The following PCDHGA4 variants were observed in gnomAD, a reference collection of about 807,000 sequenced individuals.
PCDHGA4 encodes protocadherin gamma subfamily A, 4.
A neutral mutation model predicts 54.6 loss-of-function variants in PCDHGA4; 38 were observed. The observed-to-expected ratio is 0.70, with a 90% CI of 0.54 to 0.91. PCDHGA4 has a LOEUF of 0.91. Among genes scored for constraint, PCDHGA4 ranks in the 40% least tolerant of loss-of-function variants. The pLI, the probability that PCDHGA4 is intolerant of heterozygous loss-of-function variation, is 0.00. For synonymous variants in PCDHGA4, 511 were observed against 512.9 expected (o/e 1.00, Z 0.05); for missense variants, 1,298 against 1,220.9 (o/e 1.06, Z -0.94).
intron 1 of PCDHGA4, among the ~76,000 whole-genome samples, chr5:141,442,888 GCTTATCA>G (rs776180931): frequency 8.5e-5 from 13 of 152,204 alleles, no homozygotes; most frequent in Non-Finnish European, 1.8e-4. Flanking sequence ...CAGAATCCCT[GCTTATCA>G]CTTCTCCTTC....
In PCDHGA4 at chr5:141,431,514, C is replaced by T. The variant is rs760416874; in HGVS notation, c.2515-63293C>T. ...CAGCCCGAGTACCGCGCGAGCGTTC[C>T]GGAGAATCTGGCCTTGGGCACGCAG... On this transcript the variant is annotated intron_variant, in intron 1 of 3. Transcript: ENST00000571252. This position sits in a 1 kb window ranked among gnomAD's most constrained non-coding sequence, Gnocchi z 4.8. 3.1e-6 allele frequency: 5 copies of T among 1,614,012 alleles called. No homozygotes were observed. The highest frequency in any genetic ancestry group is 1.1e-5 in the South Asian group (1 of 91,082).
intron 1 of PCDHGA4, among the ~76,000 whole-genome samples, chr5:141,494,382 G>C (rs1311387598): frequency 6.6e-6 from 1 of 152,182 alleles, no homozygotes; most frequent in Non-Finnish European, 1.5e-5. Flanking sequence ...CCCAGCTGAG[G>C]AGTTGAATAA....
intron 1 of PCDHGA4, among the ~76,000 whole-genome samples, chr5:141,464,444 T>C (rs2099084887): frequency 6.6e-6 from 1 of 151,634 alleles, no homozygotes; most frequent in East Asian, 1.9e-4. Context: ...TGTTTGTTGT[T>C]GTTGTTGTTA....
chr5:141,495,323 G>C (rs1029646773), intron 2 of PCDHGA4, among the ~76,000 whole-genome samples: 2 of 152,214 alleles, frequency 1.3e-5, no homozygotes, highest in African/African-American at 4.8e-5. Context: ...AGCCGAGGCT[G>C]ACTGCAGCCT....
intron 1 of PCDHGA4, among the ~76,000 whole-genome samples, chr5:141,401,758 G>A (rs573644467): frequency 6.6e-6 from 1 of 152,234 alleles, no homozygotes; most frequent in East Asian, 1.9e-4. Flanking sequence ...CCCATTACAT[G>A]GTATAAGTCT....
rs1231591874 is a variant in PCDHGA4 at position 141,431,615 on chromosome 5, G to T, written c.2515-63192G>T. The T allele has an allele frequency of 3.1e-6, 5 of 1,614,118 alleles. No homozygotes were observed. Among genetic ancestry groups the T allele is most frequent in the African/African-American group, 2.7e-5 (2 of 74,950 alleles). On this transcript the variant is annotated intron_variant, in intron 1 of 3. Transcript: ENST00000571252. The surrounding 1 kb of genome is among the most constrained non-coding windows in gnomAD (Gnocchi z 4.8). Reference sequence around the variant, plus strand: ...GAGGTATTCCTTCCGGTATGTGGACGACAAGGCGGCCCAAGTTTTCAAACT... The same window carrying T: ...GAGGTATTCCTTCCGGTATGTGGACTACAAGGCGGCCCAAGTTTTCAAACT...
At chr5:141,452,527 G>A (rs1164238830) in intron 1 of PCDHGA4, among the ~76,000 whole-genome samples, 1 of 152,156 alleles carries the variant, frequency 6.6e-6, no homozygotes, top group Non-Finnish European at 1.5e-5. Flanking sequence ...TCAAAATCGT[G>A]AGTTCATATT....
rs543209695 is a variant in PCDHGA4, at chr5:141,431,563, C to A, written c.2515-63244C>A. The stretch of plus-strand genomic sequence containing the variant: ...AGCTGCTTGTAGTCAACGCTACCGA[C>A]CCTGACGAAGGAGTCAATGCGGAAG... On this transcript the variant is annotated intron_variant, in intron 1 of 3. Coordinates refer to ENST00000571252, the MANE Select transcript of PCDHGA4 (RefSeq NM_018917.4). The surrounding 1 kb of genome is among the most constrained non-coding windows in gnomAD (Gnocchi z 4.8). 1.2e-6 allele frequency: 2 copies of A among 1,614,144 alleles called. No individual in the cohort carries two copies. The highest frequency in any genetic ancestry group is 2.7e-5 in the African/African-American group (2 of 75,072).
At chr5:141,377,317 T>C (rs1355098405) in intron 1 of PCDHGA4, 3 of 152,140 alleles carry the variant, frequency 2.0e-5, no homozygotes, top group African/African-American at 7.2e-5. Context: ...GATCAAGATC[T>C]TGGTTTTAGC....
chr5:141,386,056 A>C (rs2090445356), intron 1 of PCDHGA4: 1 of 152,214 alleles, frequency 6.6e-6, no homozygotes, highest in South Asian at 2.1e-4. Flanking sequence ...TTTAACAGAG[A>C]ATTCCAGTAT....
intron 1 of PCDHGA4, chr5:141,370,168 C>T (rs890245618): frequency 2.2e-6 from 1 of 458,196 alleles, no homozygotes; most frequent in East Asian, 3.2e-5. Flanking sequence ...GCAGCAGAGG[C>T]GCCGGGTGCC....
chr5:141,423,374 G>T (rs1356564295), intron 1 of PCDHGA4: 2 of 1,614,188 alleles, frequency 1.2e-6, no homozygotes, highest in Admixed American at 1.7e-5. Context: ...CTGGCACTCA[G>T]GCTGTGGCGC....
chr5:141,390,275 C>G, intron 1 of PCDHGA4: 1 of 1,613,976 alleles, frequency 6.2e-7, no homozygotes, highest in Non-Finnish European at 8.5e-7. Context: ...AATTGACTTC[C>G]CATCAGGTGA....
intron 1 of PCDHGA4, chr5:141,373,873 G>C: frequency 2.1e-6 from 1 of 480,742 alleles, no homozygotes; most frequent in Admixed American, 3.9e-5. Context: ...ACCTGGGCAA[G>C]AAAATCAACG....
At chr5:141,372,314 G>T (rs369724462) in intron 1 of PCDHGA4, 1 of 1,613,578 alleles carries the variant, frequency 6.2e-7, no homozygotes, top group East Asian at 2.2e-5. Context: ...CCGCCCGCCA[G>T]CGCCTGCTGG....
At chr5:141,444,183 T>G (rs2098423667) in intron 1 of PCDHGA4, among the ~76,000 whole-genome samples, 1 of 138,396 alleles carries the variant, frequency 7.2e-6, no homozygotes, top group African/African-American at 2.8e-5. Flanking sequence ...TTTTTTTTTT[T>G]TTTTTGAGAT....
chr5:141,382,948 T>C, intron 1 of PCDHGA4: 4 of 1,599,496 alleles, frequency 2.5e-6, no homozygotes, highest in Non-Finnish European at 3.4e-6. Flanking sequence ...CTTCCTGCTC[T>C]CCATCCTCCT....
At chr5:141,419,570 G>A (rs751047365) in intron 1 of PCDHGA4, 3 of 1,611,764 alleles carry the variant, frequency 1.9e-6, no homozygotes, top group Non-Finnish European at 2.5e-6. Flanking sequence ...GGGTCCCGAC[G>A]GCTCCGCGCT....
At chr5:141,437,832 G>A (rs929534984) in intron 1 of PCDHGA4, among the ~76,000 whole-genome samples, 2 of 151,794 alleles carry the variant, frequency 1.3e-5, no homozygotes, top group Admixed American at 1.3e-4. Context: ...CTGCCTCCTG[G>A]GTTCATGCTA....
Sources: gnomAD v4.1 joint callset for allele counts (sites outside exome capture counted in the v4.1 genomes callset) on GRCh38, gnomAD v4.1.1 for gene constraint, Gnocchi (gnomAD v3.1) non-coding constraint, MANE v1.5 for transcripts, NCBI Gene and HGNC (gene_info 2026-07-23, HGNC 2026-07-21) for gene names.